The following FGF12 variants were observed in gnomAD, a reference collection of about 807,000 sequenced individuals.
FGF12 encodes the protein fibroblast growth factor 12B.
A neutral mutation model predicts 23.6 loss-of-function variants in FGF12; 14 were observed. The ratio of observed to expected loss-of-function variants is 0.59; its 90% CI spans 0.39 to 0.93. FGF12 has a LOEUF of 0.93. FGF12 is among the 40% of genes least tolerant of loss of function. FGF12 has a pLI of 0.00. For missense variants in FGF12, 175 were observed against 217.8 expected (o/e 0.80, Z 1.24); for synonymous variants, 62 against 77.3 (o/e 0.80, Z 1.04).
At chr3:192,412,336 G>A (rs1167477676) in intron 2 of FGF12, among the ~76,000 whole-genome samples, 1 of 152,216 alleles carries the variant, frequency 6.6e-6, no homozygotes, top group Non-Finnish European at 1.5e-5. Context: ...AGGCACAGGA[G>A]AGAAGGAAGT....
chr3:192,346,470 C>T (rs539528136), intron 3 of FGF12, among the ~76,000 whole-genome samples: 23 of 152,228 alleles, frequency 1.5e-4, no homozygotes, highest in African/African-American at 5.3e-4. Context: ...TTTTGAGGAT[C>T]TGTTAGATCT....
intron 2 of FGF12, among the ~76,000 whole-genome samples, chr3:192,415,059 A>G (rs1721304007): frequency 6.6e-6 from 1 of 152,220 alleles, no homozygotes; most frequent in African/African-American, 2.4e-5. Flanking sequence ...AAGTTAAAAC[A>G]GAAAGTAAAG....
chr3:192,647,838 A>C (rs1716071851), intron 2 of FGF12, among the ~76,000 whole-genome samples: 1 of 151,816 alleles, frequency 6.6e-6, no homozygotes, highest in Admixed American at 6.6e-5. Context: ...AGAAAATAAG[A>C]TGTGAATAAA....
chr3:192,274,075 A>G (rs1235913955), intron 4 of FGF12, among the ~76,000 whole-genome samples: 2 of 152,106 alleles, frequency 1.3e-5, no homozygotes, highest in African/African-American at 4.8e-5. Flanking sequence ...CTTTTGTATA[A>G]ACATCGTATA....
chr3:192,610,855 C>G (rs997539426), intron 2 of FGF12, among the ~76,000 whole-genome samples: 2 of 152,000 alleles, frequency 1.3e-5, no homozygotes, highest in Non-Finnish European at 1.5e-5. Context: ...AACGTTGTCA[C>G]CCAAATATTC....
chr3:192,271,331 C>T (rs770374863), intron 4 of FGF12, among the ~76,000 whole-genome samples: 13 of 152,192 alleles, frequency 8.5e-5, no homozygotes, highest in African/African-American at 1.9e-4. Flanking sequence ...TTTTCTGAGT[C>T]GACATAAGTA....
At chr3:192,459,875 G>C (rs1433203152) in intron 2 of FGF12, among the ~76,000 whole-genome samples, 1 of 152,066 alleles carries the variant, frequency 6.6e-6, no homozygotes, top group East Asian at 1.9e-4. Flanking sequence ...GTGTGCGTGT[G>C]TGTGTGAGAG....
intron 4 of FGF12, among the ~76,000 whole-genome samples, chr3:192,185,758 G>C (rs539031243): frequency 5.5e-4 from 84 of 151,972 alleles, no homozygotes; most frequent in African/African-American, 1.8e-3. Flanking sequence ...TACTCGGGAG[G>C]CTGAGGCAGA....
chr3:192,352,270 A>AT (rs1450085291), intron 3 of FGF12, among the ~76,000 whole-genome samples: 4 of 152,202 alleles, frequency 2.6e-5, no homozygotes, highest in African/African-American at 9.6e-5. Context: ...GATTGCTTTC[A>AT]TTAGCAAATG....
chr3:192,576,221 A>C (rs1389584247), intron 2 of FGF12, among the ~76,000 whole-genome samples: 2 of 152,222 alleles, frequency 1.3e-5, no homozygotes, highest in African/African-American at 4.8e-5. Flanking sequence ...CAGCACAGGG[A>C]AAGAACCATC....
At chr3:192,705,059 C>G (rs1270274443) in intron 2 of FGF12, among the ~76,000 whole-genome samples, 1 of 152,226 alleles carries the variant, frequency 6.6e-6, no homozygotes, top group Non-Finnish European at 1.5e-5. Context: ...CTACAACTTT[C>G]TCATCAGCAA....
chr3:192,274,612 T>A (rs916704966), intron 4 of FGF12, among the ~76,000 whole-genome samples: 1 of 142,936 alleles, frequency 7.0e-6, no homozygotes, highest in Non-Finnish European at 1.5e-5. Flanking sequence ...AGATAGAATA[T>A]AGAAGAAATG....
At chr3:192,643,270 T>C (rs1715873080) in intron 2 of FGF12, among the ~76,000 whole-genome samples, 1 of 106,222 alleles carries the variant, frequency 9.4e-6, no homozygotes, top group Non-Finnish European at 2.1e-5. Flanking sequence ...ATATCACTAA[T>C]TGATCCTGAC....
intron 2 of FGF12, among the ~76,000 whole-genome samples, chr3:192,602,725 A>ACC (rs1560165955): frequency 6.7e-6 from 1 of 149,710 alleles, no homozygotes; most frequent in Non-Finnish European, 1.5e-5. Context: ...AAAGGCCCAA[A>ACC]AAAAAAAAAA....
intron 2 of FGF12, among the ~76,000 whole-genome samples, chr3:192,721,031 G>C (rs1183899228): frequency 6.6e-6 from 1 of 152,164 alleles, no homozygotes; most frequent in African/African-American, 2.4e-5. Flanking sequence ...TCAGGTGTTG[G>C]AGACGTTACT....
intron 2 of FGF12, among the ~76,000 whole-genome samples, chr3:192,597,786 A>G (rs1456711727): frequency 6.6e-6 from 1 of 152,244 alleles, no homozygotes; most frequent in Non-Finnish European, 1.5e-5. Context: ...TGCACTGATT[A>G]AAGTGCTGAA....
intron 4 of FGF12, among the ~76,000 whole-genome samples, chr3:192,203,011 TTTC>T (rs1717450561): frequency 6.6e-6 from 1 of 152,208 alleles, no homozygotes; most frequent in Non-Finnish European, 1.5e-5. Flanking sequence ...TGCTAAAGCA[TTTC>T]ATTGGCTCAG....
chr3:192,444,423 T>A lies in FGF12; in HGVS notation c.14-83885A>T, dbSNP rs980527581. On this transcript the variant is annotated intron_variant, in intron 2 of 5. Transcript: ENST00000445105. Reference sequence around the variant, plus strand: ...TGTTTGTTCCTTTTGTCTTTTTTTTTATCTTGCCTTTCTGTGAAACTGTCT... The same window carrying A: ...TGTTTGTTCCTTTTGTCTTTTTTTTAATCTTGCCTTTCTGTGAAACTGTCT... 5.3e-5 allele frequency among the ~76,000 whole-genome samples: 8 copies of A among 152,334 alleles called. No homozygotes were observed. The East Asian group carries it at 5.8e-4, about 11-fold the overall frequency.
At chr3:192,477,196 T>C (rs1210307084) in intron 2 of FGF12, among the ~76,000 whole-genome samples, 1 of 152,154 alleles carries the variant, frequency 6.6e-6, no homozygotes, top group Non-Finnish European at 1.5e-5. Context: ...AGAGGTCACT[T>C]CACAGGGAAG....
Sources: allele counts gnomAD v4.1 joint callset (sites outside exome capture counted in the v4.1 genomes callset), GRCh38; gene constraint gnomAD v4.1.1; transcripts MANE v1.5; gene names NCBI Gene and HGNC (gene_info 2026-07-23, HGNC 2026-07-21).